Variants in CCDC148 observed in about 807,000 individuals in gnomAD.
The protein encoded by CCDC148 is coiled-coil domain-containing protein 148.
A neutral mutation model predicts 85.7 loss-of-function variants in CCDC148; 89 were observed. The observed-to-expected ratio is 1.04, with a 90% CI of 0.87 to 1.24. The LOEUF (loss-of-function observed/expected upper bound fraction) is 1.24, where lower values mean the gene tolerates loss of function less well. Among genes scored for constraint, CCDC148 ranks in the 50% most tolerant of loss-of-function variants. CCDC148 has a pLI of 0.00. For synonymous variants in CCDC148, 230 were observed against 213.9 expected, an observed-to-expected ratio of 1.08 and a Z score of -0.66; for missense variants, 692 against 671.7, an observed-to-expected ratio of 1.03 and a Z score of -0.33.
At chr2:158,391,149 A>G (rs1399510359) in intron 1 of CCDC148, among the ~76,000 whole-genome samples, 4 of 152,274 alleles carry the variant, frequency 2.6e-5, no homozygotes, top group African/African-American at 7.2e-5. Flanking sequence ...TCCTGCTTTC[A>G]TGGTGCTTAC....
At chr2:158,224,338 A>G (rs541829735) in intron 10 of CCDC148, among the ~76,000 whole-genome samples, 2 of 152,262 alleles carry the variant, frequency 1.3e-5, no homozygotes, top group African/African-American at 4.8e-5. Context: ...TCTACATCTG[A>G]TTGGTGTACC....
intron 7 of CCDC148, among the ~76,000 whole-genome samples, chr2:158,326,299 C>A (rs959124203): frequency 2.0e-5 from 3 of 152,132 alleles, no homozygotes; most frequent in Non-Finnish European, 4.4e-5. Context: ...CCAGGCCTAC[C>A]CCTAAACATC....
chr2:158,303,508 T>A (rs1465242954), intron 9 of CCDC148, among the ~76,000 whole-genome samples: 1 of 152,194 alleles, frequency 6.6e-6, no homozygotes, highest in African/African-American at 2.4e-5. Context: ...ATTATAAGCA[T>A]ATTTTAACAT....
At chr2:158,409,163 G>A (rs1047514189) in intron 1 of CCDC148, among the ~76,000 whole-genome samples, 10 of 152,234 alleles carry the variant, frequency 6.6e-5, no homozygotes, top group African/African-American at 2.4e-4. Flanking sequence ...GGGAAACATG[G>A]GGTCAGAGCC....
intron 8 of CCDC148, among the ~76,000 whole-genome samples, chr2:158,310,348 T>A (rs896935120): frequency 5.3e-5 from 8 of 152,376 alleles, no homozygotes; most frequent in Non-Finnish European, 7.3e-5. Context: ...AGTAACAATC[T>A]GATCTCTCTT....
At position 158,206,684 on chromosome 2, in the gene CCDC148, A is replaced by G. The variant is rs1048853804; in HGVS notation, c.1370+13911T>C. On this transcript the variant is annotated intron_variant, in intron 11 of 13. Coordinates refer to ENST00000283233, the MANE Select transcript of CCDC148 (RefSeq NM_138803.4). ...TAATAACATTTTGTGGGCAGTAGCT[A>G]ATGGTTTGGCCAGTAGATTAGGGAC... Among the ~76,000 whole-genome samples the G allele has an allele frequency of 5.9e-5, 9 of 152,332 alleles. No homozygotes were observed. The South Asian group carries it at 6.2e-4, about 11-fold the overall frequency.
chr2:158,178,796 G>T, intron 12 of CCDC148, 83 bp downstream of exon 12: 1 of 909,508 alleles, frequency 1.1e-6, no homozygotes, highest in Non-Finnish European at 1.8e-6. Context: ...CATGAACTAA[G>T]CCCCAGTAAG....
intron 11 of CCDC148, among the ~76,000 whole-genome samples, chr2:158,201,481 C>T (rs976728281): frequency 3.9e-5 from 6 of 152,094 alleles, no homozygotes; most frequent in African/African-American, 1.4e-4. Flanking sequence ...ATGATCTTGG[C>T]TCACTGCAAC....
chr2:158,191,804 T>C (rs953642065), intron 11 of CCDC148, among the ~76,000 whole-genome samples: 25 of 151,960 alleles, frequency 1.6e-4, no homozygotes, highest in African/African-American at 6.0e-4. Context: ...TTCCTTTTTT[T>C]TCTTTGGAGA....
intron 1 of CCDC148, among the ~76,000 whole-genome samples, chr2:158,373,814 T>C (rs559784041): frequency 4.8e-4 from 73 of 152,198 alleles, no homozygotes; most frequent in Non-Finnish European, 8.7e-4. Flanking sequence ...TACATCTCAC[T>C]GTGTGGCATT....
At chr2:158,180,969 T>A (rs918432832) in intron 11 of CCDC148, among the ~76,000 whole-genome samples, 1 of 152,122 alleles carries the variant, frequency 6.6e-6, no homozygotes, top group Non-Finnish European at 1.5e-5. Context: ...CTCTCACGCC[T>A]CCATGTCATG....
intron 2 of CCDC148, among the ~76,000 whole-genome samples, chr2:158,354,424 C>G (rs1683508321): frequency 6.6e-6 from 1 of 151,974 alleles, no homozygotes; most frequent in South Asian, 2.1e-4. Flanking sequence ...GAAATACAAA[C>G]TACCATCAGA....
chr2:158,324,281 T>C (rs1692659799), intron 7 of CCDC148, among the ~76,000 whole-genome samples: 1 of 152,130 alleles, frequency 6.6e-6, no homozygotes, highest in African/African-American at 2.4e-5. Flanking sequence ...TGTGGCTATA[T>C]ATAGATGTAA....
chr2:158,339,089 T>C lies in CCDC148; in HGVS notation c.487-4A>G, dbSNP rs377043763. 1.7e-5 allele frequency: 27 copies of C among 1,608,186 alleles called. No individual in the cohort carries two copies. In the African/African-American group the frequency reaches 3.1e-4, roughly 18 times the overall value. On this transcript the variant is annotated splice_polypyrimidine_tract_variant and splice_region_variant and intron_variant, in intron 5 of 13. Coordinates refer to ENST00000283233, the MANE Select transcript of CCDC148 (RefSeq NM_138803.4). ...ATTGTTTCTTCACAAAGTCAACCTA[T>C]AGGACATTTGGAACAAGTAGTAGGC...
chr2:158,400,503 A>G (rs1685732061), intron 1 of CCDC148, among the ~76,000 whole-genome samples: 1 of 152,338 alleles, frequency 6.6e-6, no homozygotes, highest in South Asian at 2.1e-4. Flanking sequence ...CCGGCTAACC[A>G]TATGCAGAAA....
intron 1 of CCDC148, among the ~76,000 whole-genome samples, chr2:158,453,017 C>T (rs1006522733): frequency 2.0e-5 from 3 of 152,208 alleles, no homozygotes; most frequent in African/African-American, 4.8e-5. Flanking sequence ...TACAGCTAAT[C>T]CCAACTTTTC....
intron 1 of CCDC148, among the ~76,000 whole-genome samples, chr2:158,433,070 T>G (rs1321392882): frequency 6.3e-5 from 2 of 31,530 alleles, no homozygotes; most frequent in African/African-American, 1.4e-4. Context: ...AAACCTCATC[T>G]CTACAAAAAA....
At chr2:158,218,087 G>A (rs1483372368) in intron 11 of CCDC148, among the ~76,000 whole-genome samples, 2 of 152,150 alleles carry the variant, frequency 1.3e-5, no homozygotes, top group African/African-American at 4.8e-5. Flanking sequence ...ATTTTTCTGA[G>A]AATTATATGT....
At chr2:158,350,193 C>T (rs1194878664) in intron 2 of CCDC148, among the ~76,000 whole-genome samples, 1 of 152,120 alleles carries the variant, frequency 6.6e-6, no homozygotes, top group Non-Finnish European at 1.5e-5. Context: ...ATTGTTCCTG[C>T]ACTTGATATT....
Sources: allele counts gnomAD v4.1 joint callset (sites outside exome capture counted in the v4.1 genomes callset), GRCh38; gene constraint gnomAD v4.1.1; transcripts MANE v1.5; gene names NCBI Gene and HGNC (gene_info 2026-07-23, HGNC 2026-07-21).